Variants in SI observed in about 807,000 individuals in gnomAD.
SI encodes the protein sucrase-isomaltase, intestinal.
In SI, 235 loss-of-function variants were observed where a neutral mutation model predicts 253.3. The observed-to-expected ratio is 0.93, with a 90% CI of 0.83 to 1.03. The LOEUF (loss-of-function observed/expected upper bound fraction) is 1.03. SI is among the 50% of genes least tolerant of loss of function. The pLI, the probability that SI is intolerant of heterozygous loss-of-function variation, is 0.00. For synonymous variants in SI, 819 were observed against 712.0 expected, an observed-to-expected ratio of 1.15 and a Z score of -2.39; for missense variants, 2,442 against 2,211.1, an observed-to-expected ratio of 1.10 and a Z score of -2.09.
chr3:165,012,558 A>G (rs1025076450), intron 34 of SI, among the ~76,000 whole-genome samples: 2 of 151,914 alleles, frequency 1.3e-5, no homozygotes, highest in Non-Finnish European at 2.9e-5. Context: ...CTTTCCGAGT[A>G]GCTGGGTCTA....
Position 165,006,881 on chromosome 3 carries a change from T to C in SI, c.4341A>G (p.Gly1447=), listed in dbSNP as rs372577107. The C allele has an allele frequency of 2.0e-5, 32 of 1,610,730 alleles. No individual in the cohort carries two copies. Among genetic ancestry groups the C allele is most frequent in the East Asian group, 4.5e-5 (2 of 44,686 alleles). ...CMEAEQILSD[G]TSVLHYDVHN... The stretch of plus-strand genomic sequence containing the variant: ...GAACATCGTAATGCAAAACTGATGT[T>C]CCATCACTAAGAATCTGCTCAGCTT... Residue 1447 remains glycine, a synonymous_variant, in exon 37 of 48, where the codon GGA becomes GGG. Coordinates refer to ENST00000264382, the MANE Select transcript of SI (RefSeq NM_001041.4).
intron 15 of SI, 137 bp downstream of exon 15, chr3:165,048,990 A>G (rs1180188742): frequency 3.0e-6 from 2 of 676,966 alleles, no homozygotes; most frequent in Non-Finnish European, 5.4e-6. Flanking sequence ...TGAATGCCAT[A>G]ACTTTTTAGC....
At position 165,058,950 on chromosome 3, in the gene SI, TATC is replaced by T. The variant is rs1713842190; in HGVS notation, c.1398+10_1398+12del. The stretch of plus-strand genomic sequence containing the variant: ...ATTTGAGCAACATAGTTTTAATAAA[TATC>T]ATATTTTACCTCTCCAATAATTGGT... On this transcript the variant is annotated intron_variant, in intron 12 of 47. Coordinates refer to ENST00000264382, the MANE Select transcript of SI (RefSeq NM_001041.4). 1 of 1,607,736 alleles carries T rather than the reference TATC, an allele frequency of 6.2e-7. No homozygotes were observed. The highest frequency in any genetic ancestry group is 8.5e-7 in the Non-Finnish European group (1 of 1,175,318).
chr3:165,081,950 A>G (rs557853915), upstream of SI, among the ~76,000 whole-genome samples: 5 of 152,168 alleles, frequency 3.3e-5, no homozygotes, highest in African/African-American at 1.2e-4. Flanking sequence ...AAGAGCTTCC[A>G]GAAAATAAGG....
At chr3:165,040,251 G>A (rs1231340133) in intron 18 of SI, among the ~76,000 whole-genome samples, 1 of 151,316 alleles carries the variant, frequency 6.6e-6, no homozygotes, top group East Asian at 2.0e-4. Context: ...AGGATAGGAG[G>A]AAGGGATGGG....
At chr3:165,075,571 C>T (rs1313276653) in intron 2 of SI, among the ~76,000 whole-genome samples, 2 of 151,868 alleles carry the variant, frequency 1.3e-5, no homozygotes, top group Non-Finnish European at 2.9e-5. Flanking sequence ...CCCAGGTTTT[C>T]CCACTAATGA....
At chr3:164,983,199 A>G (rs925501506) in intron 45 of SI, 148 bp from the exon 46 acceptor site, 1 of 770,930 alleles carries the variant, frequency 1.3e-6, no homozygotes. Flanking sequence ...CTATTTAACT[A>G]ATTCAGATAC....
Position 165,030,772 on chromosome 3 carries a change from A to T in SI, c.2832T>A (p.Tyr944Ter). 1 of 1,608,896 alleles carries T rather than the reference A, an allele frequency of 6.2e-7. No homozygotes were observed. Among genetic ancestry groups the T allele is most frequent in the Non-Finnish European group, 8.5e-7 (1 of 1,176,836 alleles). The change falls in exon 25 of 48, where the codon TAT becomes TAA. Residue 944 changes from tyrosine to a stop codon, truncating the protein, a stop_gained. Coordinates refer to ENST00000264382, the MANE Select transcript of SI (RefSeq NM_001041.4). LOFTEE classifies it high-confidence loss of function. Reference sequence around the variant, plus strand: ...GTTCAGTTGCCAAATCTGCATCTGGATAACAATTAAATCTTTCATTTTCTG... The same window carrying T: ...GTTCAGTTGCCAAATCTGCATCTGGTTAACAATTAAATCTTTCATTTTCTG... The part of the protein sequence containing the change: ...IFSENERFNC[Y>*]PDADLATEQK...
chr3:164,982,522 A>G (rs896408116), intron 46 of SI, 112 bp from the exon 47 acceptor site: 2 of 771,928 alleles, frequency 2.6e-6, no homozygotes, highest in African/African-American at 3.5e-5. Context: ...TAAATTGTTT[A>G]TTTGTGCATT....
chr3:165,016,228 C>G, intron 31 of SI, 148 bp from the exon 32 acceptor site: 1 of 722,646 alleles, frequency 1.4e-6, no homozygotes, highest in Non-Finnish European at 2.4e-6. Context: ...GTTTAGTGTT[C>G]AAGGAATAAA....
intron 17 of SI, among the ~76,000 whole-genome samples, chr3:165,041,944 C>G (rs1181555980): frequency 1.3e-5 from 2 of 151,968 alleles, no homozygotes; most frequent in Non-Finnish European, 2.9e-5. Flanking sequence ...TGAAGGACTC[C>G]CCACTCACTT....
At chr3:165,006,296 G>T (rs1391237088) in intron 37 of SI, among the ~76,000 whole-genome samples, 1 of 151,992 alleles carries the variant, frequency 6.6e-6, no homozygotes, top group Non-Finnish European at 1.5e-5. Context: ...TTTTAGTAGA[G>T]ATGAGGTTTC....
intron 40 of SI, 65 bp downstream of exon 40, chr3:164,996,470 A>G (rs1718013079): frequency 4.4e-6 from 4 of 913,862 alleles, no homozygotes; most frequent in Admixed American, 1.7e-5. Context: ...AGCCATGTAC[A>G]CTAAAGTATA....
intron 34 of SI, among the ~76,000 whole-genome samples, chr3:165,009,926 C>T (rs931060468): frequency 6.6e-6 from 1 of 152,010 alleles, no homozygotes; most frequent in Non-Finnish European, 1.5e-5. Flanking sequence ...ACTTGCCAGT[C>T]GAAACATAAA....
chr3:165,071,154 T>A (rs147979699), intron 3 of SI, among the ~76,000 whole-genome samples: 1 of 152,256 alleles, frequency 6.6e-6, no homozygotes, highest in African/African-American at 2.4e-5. Context: ...GCTCATATTC[T>A]GCGATTCCAA....
At chr3:165,023,911 T>C (rs554346132) in intron 25 of SI, 135 bp from the exon 26 acceptor site, 11 of 696,804 alleles carry the variant, frequency 1.6e-5, no homozygotes, top group African/African-American at 8.9e-5. Flanking sequence ...ATAACAGTTA[T>C]AACACAAAAT....
intron 44 of SI, 127 bp downstream of exon 44, chr3:164,991,226 T>C (rs1717719026): frequency 1.0e-6 from 1 of 1,002,284 alleles, no homozygotes; most frequent in Non-Finnish European, 1.6e-6. Flanking sequence ...CTGGCATTCA[T>C]GTTACTGAGG....
At chr3:165,041,183 A>G in intron 17 of SI, 89 bp from the exon 18 acceptor site, 4 of 1,141,960 alleles carry the variant, frequency 3.5e-6, no homozygotes, top group South Asian at 2.5e-5. Flanking sequence ...TTTTAAAGCA[A>G]CTACATAAAT....
chr3:165,044,365 G>A (rs918894001), intron 16 of SI, among the ~76,000 whole-genome samples: 1 of 151,858 alleles, frequency 6.6e-6, no homozygotes, highest in African/African-American at 2.4e-5. Context: ...GGAACTGTTT[G>A]TAACCATTTG....
Sources: allele counts gnomAD v4.1 joint callset (sites outside exome capture counted in the v4.1 genomes callset), GRCh38; gene constraint gnomAD v4.1.1; transcripts MANE v1.5; gene names NCBI Gene and HGNC (gene_info 2026-07-23, HGNC 2026-07-21).